ZNF346: variants seen among roughly 807,000 people sequenced by gnomAD.
ZNF346 encodes zinc finger protein 346, also known as double-stranded RNA-binding zinc finger protein JAZ.
A neutral mutation model predicts 33.7 loss-of-function variants in ZNF346; 23 were observed. The observed-to-expected ratio is 0.68, with a 90% confidence interval of 0.49 to 0.97. The LOEUF is 0.97. ZNF346 is among the 50% of genes least tolerant of loss of function. The pLI is 0.00. For synonymous variants in ZNF346, 134 were observed against 142.4 expected, an observed-to-expected ratio of 0.94 and a Z score of 0.42; for missense variants, 340 against 371.1, an observed-to-expected ratio of 0.92 and a Z score of 0.69.
At chr5:177,052,137 C>A (rs1781016351) in intron 5 of ZNF346, among the ~76,000 whole-genome samples, 2 of 151,968 alleles carry the variant, frequency 1.3e-5, no homozygotes, top group Admixed American at 6.6e-5. Context: ...TGTATTCCAA[C>A]CTGAGTGAGA....
rs1783140539 is a variant in ZNF346, at chr5:177,066,102, G to A, written c.*1503G>A. 6.7e-6 allele frequency: 1 copy of A among 148,716 alleles called. No homozygotes were observed. The highest frequency in any genetic ancestry group is 6.8e-5 in the Admixed American group (1 of 14,782). 9.2% of individuals were successfully genotyped at this position (148,716 alleles called of 1,614,324 possible). A position where few individuals can be genotyped will look rare whatever the true frequency, so the allele number is the denominator to read the frequency against. ...TAGTCACTTTAGGAGTTGGGACAGA[G>A]TCGAGCACCCTGTGAAAGTCTCCCT... On this transcript the variant is annotated 3_prime_UTR_variant, in exon 7 of 7. Coordinates refer to ENST00000358149, the MANE Select transcript of ZNF346 (RefSeq NM_012279.4).
At chr5:177,025,352 T>C (rs895211939) in intron 1 of ZNF346, among the ~76,000 whole-genome samples, 6 of 152,236 alleles carry the variant, frequency 3.9e-5, no homozygotes, top group South Asian at 2.1e-4. Context: ...TTTTTGTGAA[T>C]AGTGCTGCTG....
chr5:177,064,609 T>C lies in ZNF346; in HGVS notation c.*10T>C. 1.2e-6 allele frequency: 2 copies of C among 1,611,274 alleles called. No homozygotes were observed. On this transcript the variant is annotated 3_prime_UTR_variant, in exon 7 of 7. Coordinates refer to ENST00000358149, the MANE Select transcript of ZNF346 (RefSeq NM_012279.4). ...CACCTTGGAAGACTAGAGGTGATTC[T>C]GCCCAGCATCCCATATTGGGCCAGC...
chr5:177,071,876 T>C (rs1783522261), downstream of ZNF346, among the ~76,000 whole-genome samples: 1 of 152,126 alleles, frequency 6.6e-6, no homozygotes, highest in South Asian at 2.1e-4. Context: ...TGCAAAGCCC[T>C]GTTACAGAGA....
At chr5:177,075,372 C>T (rs1281371080) in intron 8 of ZNF346, among the ~76,000 whole-genome samples, 1 of 152,152 alleles carries the variant, frequency 6.6e-6, no homozygotes, top group Non-Finnish European at 1.5e-5. Flanking sequence ...ACACTGTACC[C>T]CGGCCTGGGC....
At chr5:177,026,206 C>T (rs1207462470) in intron 1 of ZNF346, among the ~76,000 whole-genome samples, 3 of 151,588 alleles carry the variant, frequency 2.0e-5, no homozygotes, top group Non-Finnish European at 4.4e-5. Flanking sequence ...GGTTTCACCA[C>T]GTTGGCCAGG....
At chr5:177,078,861 A>T (rs1293776354) in intron 8 of ZNF346, among the ~76,000 whole-genome samples, 1 of 152,142 alleles carries the variant, frequency 6.6e-6, no homozygotes, top group East Asian at 1.9e-4. Flanking sequence ...GTGAGCCGAG[A>T]TCATGCCACT....
At chr5:177,052,452 G>A (rs1241385595) in intron 5 of ZNF346, 4 of 151,454 alleles carry the variant, frequency 2.6e-5, no homozygotes, top group African/African-American at 9.7e-5. Context: ...CAAAGTGGTG[G>A]GATTAGAGGC....
intron 8 of ZNF346, among the ~76,000 whole-genome samples, chr5:177,078,324 A>G (rs1333241164): frequency 6.6e-6 from 1 of 152,236 alleles, no homozygotes; most frequent in Non-Finnish European, 1.5e-5. Flanking sequence ...CCAGTCAGGC[A>G]CATTCAGAGG....
chr5:177,039,906 C>T (rs777144879), intron 1 of ZNF346, among the ~76,000 whole-genome samples: 1 of 151,388 alleles, frequency 6.6e-6, no homozygotes, highest in Non-Finnish European at 1.5e-5. Context: ...CTTGGCCGGG[C>T]GCGGTGGCTC....
chr5:177,036,021 T>A lies in ZNF346; in HGVS notation c.176-5105T>A, dbSNP rs369996383. 1.5e-4 allele frequency among the ~76,000 whole-genome samples: 23 copies of A among 152,160 alleles called. No individual in the cohort carries two copies. The South Asian group carries it at 4.2e-3, about 27-fold the overall frequency. On this transcript the variant is annotated intron_variant, in intron 1 of 6. Transcript: ENST00000358149. ...TCCAACCTCATAAACCTCTCAGTTTTTGTGGGCCAGGAATTTGGGAAAGGC... is the reference window on the plus strand; with the variant it reads ...TCCAACCTCATAAACCTCTCAGTTTATGTGGGCCAGGAATTTGGGAAAGGC...
chr5:177,069,402 G>T (rs999028553), downstream of ZNF346, among the ~76,000 whole-genome samples: 1 of 150,124 alleles, frequency 6.7e-6, no homozygotes, highest in Non-Finnish European at 1.5e-5. Context: ...CAAGTGAGCT[G>T]AGATCGCGCC....
At chr5:177,068,384 A>G (rs898173373), downstream of ZNF346, among the ~76,000 whole-genome samples, 2 of 144,210 alleles carry the variant, frequency 1.4e-5, no homozygotes, top group African/African-American at 2.9e-5. Context: ...TCCACATACA[A>G]TGATAGCTGG....
intron 5 of ZNF346, among the ~76,000 whole-genome samples, chr5:177,061,595 T>G (rs1369349377): frequency 6.6e-6 from 1 of 152,192 alleles, no homozygotes; most frequent in South Asian, 2.1e-4. Context: ...AGCCCTGAGA[T>G]AGGGTCTGTG....
At chr5:177,026,683 A>G (rs888537621) in intron 1 of ZNF346, among the ~76,000 whole-genome samples, 2 of 152,096 alleles carry the variant, frequency 1.3e-5, no homozygotes, top group African/African-American at 4.8e-5. Context: ...TTTTTACAGT[A>G]TTTTATAGAA....
intron 1 of ZNF346, among the ~76,000 whole-genome samples, chr5:177,032,837 C>G (rs983907229): frequency 6.6e-6 from 1 of 152,158 alleles, no homozygotes; most frequent in African/African-American, 2.4e-5. Context: ...AGAAGGATCA[C>G]TTGAGGCCAG....
At chr5:177,074,365 C>G (rs1281157517) in intron 8 of ZNF346, among the ~76,000 whole-genome samples, 1 of 151,886 alleles carries the variant, frequency 6.6e-6, no homozygotes, top group Non-Finnish European at 1.5e-5. Context: ...GGGAATGTCT[C>G]GAGCCCAGAG....
intron 1 of ZNF346, among the ~76,000 whole-genome samples, chr5:177,034,866 G>A (rs954817002): frequency 9.2e-5 from 14 of 152,192 alleles, no homozygotes; most frequent in African/African-American, 3.4e-4. Flanking sequence ...TACAGTCAAA[G>A]CATCTTGCTT....
Position 177,041,214 on chromosome 5 carries a change from G to C in ZNF346, c.264G>C (p.Lys88Asn). ...CCTTGCTTATTTCTGAGTCCCAGAA[G>C]CTGGCACATTACCAGGTATGCCATC... ...CCALLISESQ[K>N]LAHYQSKKHA... Residue 88 changes from lysine (K) to asparagine (N), a missense_variant, in exon 2 of 7, where the codon AAG (lysine) becomes AAC (asparagine). Coordinates refer to ENST00000358149, the MANE Select transcript of ZNF346 (RefSeq NM_012279.4). The C allele has an allele frequency of 1.2e-6, 2 of 1,614,006 alleles. No homozygotes were observed. Among genetic ancestry groups the C allele is most frequent in the Non-Finnish European group, 1.7e-6 (2 of 1,179,842 alleles).
Sources: gnomAD v4.1 joint callset for allele counts (sites outside exome capture counted in the v4.1 genomes callset) on GRCh38, gnomAD v4.1.1 for gene constraint, MANE v1.5 for transcripts, NCBI Gene and HGNC (gene_info 2026-07-23, HGNC 2026-07-21) for gene names.